RBPMS: variants seen among roughly 807,000 people sequenced by gnomAD.
RBPMS encodes the protein RNA binding protein, mRNA processing factor.
RBPMS carries 7 observed loss-of-function variants against 26.8 expected under a neutral mutation model. The ratio of observed to expected loss-of-function variants is 0.26; its 90% CI spans 0.15 to 0.49. The LOEUF is 0.49. RBPMS is among the 20% of genes least tolerant of loss of function. The pLI, the probability that RBPMS is intolerant of heterozygous loss-of-function variation, is 0.98. For synonymous variants in RBPMS, 96 were observed against 93.3 expected (o/e 1.03, Z -0.17); for missense variants, 186 against 250.0 (o/e 0.74, Z 1.73).
At chr8:30,438,531 A>G (rs1279448254) in intron 1 of RBPMS, among the ~76,000 whole-genome samples, 2 of 152,236 alleles carry the variant, frequency 1.3e-5, no homozygotes, top group African/African-American at 4.8e-5. Flanking sequence ...AAGAATTACC[A>G]TATTTACTTC....
At chr8:30,434,665 C>T (rs1812258478) in intron 1 of RBPMS, among the ~76,000 whole-genome samples, 1 of 149,746 alleles carries the variant, frequency 6.7e-6, no homozygotes, top group Non-Finnish European at 1.5e-5. Context: ...GATGGCACCA[C>T]TGCACTCCAG....
At chr8:30,556,158 A>C (rs1247075733) in intron 6 of RBPMS, 2 of 985,244 alleles carry the variant, frequency 2.0e-6, no homozygotes, top group African/African-American at 3.5e-5. Context: ...AGAGCAATGA[A>C]TTCAGGGGTC....
At chr8:30,561,475 T>A (rs1272381533) in intron 7 of RBPMS, among the ~76,000 whole-genome samples, 1 of 152,014 alleles carries the variant, frequency 6.6e-6, no homozygotes, top group Non-Finnish European at 1.5e-5. Flanking sequence ...CAGCTAGAGG[T>A]GCCGAGGATG....
intron 5 of RBPMS, among the ~76,000 whole-genome samples, chr8:30,529,911 G>T (rs911719089): frequency 6.6e-6 from 1 of 151,844 alleles, no homozygotes; most frequent in Non-Finnish European, 1.5e-5. Context: ...GTGTCACCAC[G>T]CCTGGCCAAT....
chr8:30,422,621 C>T (rs1057327118), intron 1 of RBPMS, among the ~76,000 whole-genome samples: 5 of 152,080 alleles, frequency 3.3e-5, no homozygotes, highest in South Asian at 2.1e-4. Flanking sequence ...GAGAGTGTTC[C>T]GTAGCACCTC....
intron 6 of RBPMS, chr8:30,553,636 A>C (rs1303995576): frequency 6.6e-6 from 1 of 152,256 alleles, no homozygotes; most frequent in African/African-American, 2.4e-5. Flanking sequence ...CGAGCCCCAC[A>C]GCGAACTTCA....
chr8:30,478,710 G>C (rs1417278280), intron 3 of RBPMS, among the ~76,000 whole-genome samples: 2 of 152,160 alleles, frequency 1.3e-5, no homozygotes, highest in African/African-American at 4.8e-5. Flanking sequence ...ATGTTGGCCA[G>C]GATGGTCTTG....
At chr8:30,563,434 T>C (rs1002623192) in intron 7 of RBPMS, among the ~76,000 whole-genome samples, 6 of 152,146 alleles carry the variant, frequency 3.9e-5, no homozygotes, top group Admixed American at 2.0e-4. Flanking sequence ...GCAGCTTTCT[T>C]TGATGGATAT....
At chr8:30,518,209 A>G (rs149179610) in intron 5 of RBPMS, among the ~76,000 whole-genome samples, 1,753 of 152,222 alleles carry the variant, frequency 0.012, 30 homozygotes, top group African/African-American at 0.041. Context: ...AACGACTTAC[A>G]TTTACTATGT....
intron 1 of RBPMS, among the ~76,000 whole-genome samples, chr8:30,389,643 T>C (rs966154782): frequency 5.9e-5 from 9 of 152,132 alleles, no homozygotes; most frequent in Admixed American, 2.0e-4. Flanking sequence ...ATAGGAATGA[T>C]TTTTGCAGTG....
In RBPMS at chr8:30,549,795, TC is replaced by T. The variant is rs376497422; in HGVS notation, c.528+5175del. On this transcript the variant is annotated intron_variant, in intron 6 of 8. Transcript: ENST00000397323. ...TCTTCTCTCTCTCTCTCTCTCTCTC[TC>T]CCCTCTCTCCTCTCTCTCTCTCTCT... is the stretch of plus-strand genomic sequence containing the variant. Among the ~76,000 whole-genome samples the T allele has an allele frequency of 7.0e-3, 705 of 100,564 alleles. 7 individuals carry two copies. Among genetic ancestry groups the T allele is most frequent in the African/African-American group, 0.022 (454 of 20,924 alleles). The allele number at this position is 100,564 out of a possible 152,430, so 66.0% of individuals were successfully genotyped here. A position where few individuals can be genotyped will look rare whatever the true frequency, so the allele number is the denominator to read the frequency against.
intron 8 of RBPMS, among the ~76,000 whole-genome samples, chr8:30,568,648 G>A (rs1563461980): frequency 3.3e-5 from 5 of 152,170 alleles, no homozygotes; most frequent in African/African-American, 1.2e-4. Context: ...GCCCCGCGAG[G>A]AGAACCTGCT....
intron 1 of RBPMS, among the ~76,000 whole-genome samples, chr8:30,437,015 T>G (rs1299318879): frequency 6.6e-6 from 1 of 150,700 alleles, no homozygotes; most frequent in Non-Finnish European, 1.5e-5. Flanking sequence ...CTCTGCCTCC[T>G]GGGTTCACGC....
chr8:30,558,608 A>G (rs570846003), intron 6 of RBPMS: 17 of 539,886 alleles, frequency 3.1e-5, no homozygotes, highest in African/African-American at 2.3e-4. Context: ...TAACCTTTAA[A>G]AGGAGGATGA....
At chr8:30,393,555 C>T (rs898361454) in intron 1 of RBPMS, among the ~76,000 whole-genome samples, 4 of 151,150 alleles carry the variant, frequency 2.6e-5, no homozygotes, top group Non-Finnish European at 1.5e-5. Context: ...CGGAGTCTTG[C>T]GCTGTCACTC....
rs142884278 is a variant in RBPMS at position 30,507,593 on chromosome 8, G to T, written c.397+3157G>T. 1.6e-3 allele frequency among the ~76,000 whole-genome samples: 238 copies of T among 152,278 alleles called. 8 individuals carry two copies. In the East Asian group the frequency reaches 0.038, roughly 24 times the overall value. On this transcript the variant is annotated intron_variant, in intron 5 of 8. Transcript: ENST00000397323. ...GTATACCTACCTGCCTAAATTAATA[G>T]AATTGATCATTAATTTGAGCTTTTA...
Position 30,459,262 on chromosome 8 carries a change from G to GT in RBPMS, c.67-15509dup, listed in dbSNP as rs1301860450. On this transcript the variant is annotated intron_variant, in intron 1 of 8. Coordinates refer to ENST00000397323, the MANE Select transcript of RBPMS (RefSeq NM_001008710.3). ...CAGGCATGAGCCACTGCCCCCAGTG[G>GT]TTTTTTTTGGTTTTGTTTGTGGTTT... Among the ~76,000 whole-genome samples the GT allele has an allele frequency of 1.6e-4, 24 of 151,258 alleles. No homozygotes were observed. The East Asian group carries it at 1.8e-3, about 11-fold the overall frequency.
intron 1 of RBPMS, among the ~76,000 whole-genome samples, chr8:30,390,067 G>T (rs1050911940): frequency 6.6e-6 from 1 of 152,200 alleles, no homozygotes; most frequent in Non-Finnish European, 1.5e-5. Flanking sequence ...TCAAATAAAT[G>T]TATATTCATT....
At chr8:30,522,977 C>A (rs1377183168) in intron 5 of RBPMS, among the ~76,000 whole-genome samples, 1 of 152,160 alleles carries the variant, frequency 6.6e-6, no homozygotes, top group Non-Finnish European at 1.5e-5. Flanking sequence ...CAGGTGGATA[C>A]TTTCCTCATT....
Sources: gnomAD v4.1 joint callset for allele counts (sites outside exome capture counted in the v4.1 genomes callset) on GRCh38, gnomAD v4.1.1 for gene constraint, MANE v1.5 for transcripts, NCBI Gene and HGNC (gene_info 2026-07-23, HGNC 2026-07-21) for gene names.